The following GREB1L variants were observed in gnomAD, a reference collection of about 807,000 sequenced individuals.
The protein encoded by GREB1L is GREB1 like retinoic acid receptor coactivator.
Under a neutral mutation model 200.8 loss-of-function variants are expected in GREB1L, and 17 were observed. The observed-to-expected ratio is 0.08, with a 90% confidence interval of 0.06 to 0.13. The LOEUF (loss-of-function observed/expected upper bound fraction) is 0.13. Among genes scored for constraint, GREB1L ranks in the 10% least tolerant of loss-of-function variants. The pLI, the probability that GREB1L is intolerant of heterozygous loss-of-function variation, is 1.00. For synonymous variants in GREB1L, 789 were observed against 893.0 expected, an observed-to-expected ratio of 0.88 and a Z score of 2.08; for missense variants, 1,657 against 2,367.7, an observed-to-expected ratio of 0.70 and a Z score of 6.23.
intron 2 of GREB1L, chr18:21,380,392 T>A (rs541249258): frequency 6.6e-6 from 1 of 152,278 alleles, no homozygotes; most frequent in South Asian, 2.1e-4. Flanking sequence ...AGGGTTCTTC[T>A]CAACCAGTCC....
intron 17 of GREB1L, among the ~76,000 whole-genome samples, chr18:21,479,506 C>G (rs1289599957): frequency 6.6e-6 from 1 of 151,816 alleles, no homozygotes; most frequent in Non-Finnish European, 1.5e-5. Flanking sequence ...TGGTGAAACC[C>G]CATCTCTACA....
intron 17 of GREB1L, among the ~76,000 whole-genome samples, chr18:21,481,204 C>T (rs1363214073): frequency 6.6e-6 from 1 of 151,740 alleles, no homozygotes; most frequent in East Asian, 1.9e-4. Flanking sequence ...CAGGGGATGG[C>T]CCTGGAAAGA....
chr18:21,515,423 C>G lies in GREB1L; in HGVS notation c.4908C>G (p.Pro1636=), dbSNP rs1568078073. The part of the protein sequence containing the change: ...IHSVQEPSSQ[P]MEVGVSSKNV... ...TATAAACTATATTTCATAGCCAGCC[C>G]ATGGAAGTAGGAGTTTCCAGTAAGA... Residue 1636 remains proline (P), a synonymous_variant, in exon 29 of 33, where the codon CCC becomes CCG. Coordinates refer to ENST00000424526, the MANE Select transcript of GREB1L (RefSeq NM_001142966.3). 6.5e-7 allele frequency: 1 copy of G among 1,546,486 alleles called. No individual in the cohort carries two copies. Among genetic ancestry groups the G allele is most frequent in the African/African-American group, 1.4e-5 (1 of 73,076 alleles).
At chr18:21,433,888 G>C (rs996490388) in intron 7 of GREB1L, among the ~76,000 whole-genome samples, 1 of 152,088 alleles carries the variant, frequency 6.6e-6, no homozygotes, top group Non-Finnish European at 1.5e-5. Context: ...GGGATTTGGG[G>C]TCTCTACTCA....
At chr18:21,439,704 G>C (rs145100802) in intron 8 of GREB1L, 67 bp downstream of exon 8, 1 of 996,696 alleles carries the variant, frequency 1.0e-6, no homozygotes, top group African/African-American at 1.6e-5. Flanking sequence ...TCCAGATTTT[G>C]TAATGAATTA....
At chr18:21,268,500 C>G (rs1173635284) in intron 1 of GREB1L, among the ~76,000 whole-genome samples, 1 of 89,340 alleles carries the variant, frequency 1.1e-5, no homozygotes, top group Non-Finnish European at 2.3e-5. Flanking sequence ...TATATATATA[C>G]ATATATATAT....
chr18:21,405,526 C>T (rs1334237717), intron 7 of GREB1L, among the ~76,000 whole-genome samples: 6 of 152,094 alleles, frequency 3.9e-5, no homozygotes, highest in Admixed American at 2.6e-4. Context: ...CATGGCTGGG[C>T]GCAGTGGTTC....
At chr18:21,277,439 T>C (rs1445104374) in intron 1 of GREB1L, among the ~76,000 whole-genome samples, 1 of 152,236 alleles carries the variant, frequency 6.6e-6, no homozygotes, top group African/African-American at 2.4e-5. Flanking sequence ...TCTTTGTTGA[T>C]ACTGTTCTCT....
At chr18:21,337,000 A>G (rs149021405) in intron 1 of GREB1L, among the ~76,000 whole-genome samples, 11 of 152,324 alleles carry the variant, frequency 7.2e-5, no homozygotes, top group African/African-American at 2.4e-4. Context: ...CCATGAAATG[A>G]GGGTGTCAAG....
intron 25 of GREB1L, among the ~76,000 whole-genome samples, chr18:21,506,401 A>C (rs1377263420): frequency 1.3e-5 from 2 of 152,266 alleles, no homozygotes; most frequent in East Asian, 3.9e-4. Flanking sequence ...TCTCAAAAAA[A>C]AAAAAAGCAC....
Position 21,366,433 on chromosome 18 carries a change from A to C in GREB1L, c.-10+297A>C, listed in dbSNP as rs190003312. Among the ~76,000 whole-genome samples the C allele has an allele frequency of 1.8e-4, 27 of 152,296 alleles. No individual in the cohort carries two copies. The East Asian group carries it at 5.0e-3, about 28-fold the overall frequency. ...TTTGTTGATTATGATTTTATGCTTC[A>C]AATTGTCTAATAAATGAGACTTCTA... On this transcript the variant is annotated intron_variant, in intron 2 of 32. Transcript: ENST00000424526.
At chr18:21,272,790 A>T (rs1323211975) in intron 1 of GREB1L, among the ~76,000 whole-genome samples, 2 of 152,270 alleles carry the variant, frequency 1.3e-5, no homozygotes, top group Non-Finnish European at 2.9e-5. Flanking sequence ...AATGCCAAGA[A>T]GATAATAAAA....
At chr18:21,471,863 C>T (rs1021790424) in intron 15 of GREB1L, among the ~76,000 whole-genome samples, 9 of 152,078 alleles carry the variant, frequency 5.9e-5, no homozygotes, top group African/African-American at 2.2e-4. Flanking sequence ...TCAAGTGGTG[C>T]GCCTGTCTTA....
chr18:21,251,733 T>C (rs544618881), intron 1 of GREB1L, among the ~76,000 whole-genome samples: 36 of 152,104 alleles, frequency 2.4e-4, no homozygotes, highest in Non-Finnish European at 8.8e-5. Context: ...GATCACAAGG[T>C]CAGGAGTACA....
chr18:21,355,195 T>A (rs1238161546), intron 1 of GREB1L, among the ~76,000 whole-genome samples: 1 of 109,100 alleles, frequency 9.2e-6, no homozygotes, highest in African/African-American at 7.1e-5. Flanking sequence ...TTTGTTAAAT[T>A]TTTTTTTTTT....
At chr18:21,427,298 G>A (rs1353172993) in intron 7 of GREB1L, among the ~76,000 whole-genome samples, 1 of 151,772 alleles carries the variant, frequency 6.6e-6, no homozygotes, top group Non-Finnish European at 1.5e-5. Context: ...GAGCTCAGGA[G>A]TTCAAGAGCA....
intron 15 of GREB1L, among the ~76,000 whole-genome samples, chr18:21,457,497 C>T (rs2034822377): frequency 6.6e-6 from 1 of 152,040 alleles, no homozygotes; most frequent in Non-Finnish European, 1.5e-5. Flanking sequence ...ATAATCCTAC[C>T]ATTCAAGGGT....
chr18:21,384,323 A>T lies in GREB1L; in HGVS notation c.275A>T (p.Asp92Val). ...TVNEMEDDED[D>V]EEMSDSNSPP... Reference sequence around the variant, plus strand: ...AATGAAATGGAAGATGATGAAGACGATGAAGAAATGTCTGATTCAAACAGC... The same window carrying T: ...AATGAAATGGAAGATGATGAAGACGTTGAAGAAATGTCTGATTCAAACAGC... Residue 92 changes from aspartate (D) to valine (V), a missense_variant, in exon 4 of 33, where the codon GAT becomes GTT. By Grantham distance (152) the Asp-to-Val change is radical. Coordinates refer to ENST00000424526, the MANE Select transcript of GREB1L (RefSeq NM_001142966.3). 1 of 1,551,764 alleles carries T rather than the reference A, an allele frequency of 6.4e-7. No homozygotes were observed. The highest frequency in any genetic ancestry group is 1.7e-4 in the Middle Eastern group (1 of 5,994).
At chr18:21,427,451 G>A (rs1235035387) in intron 7 of GREB1L, among the ~76,000 whole-genome samples, 1 of 152,100 alleles carries the variant, frequency 6.6e-6, no homozygotes, top group Non-Finnish European at 1.5e-5. Flanking sequence ...GTTGTTGTGA[G>A]CTGTGATCAT....
Sources: allele counts gnomAD v4.1 joint callset (sites outside exome capture counted in the v4.1 genomes callset), GRCh38; gene constraint gnomAD v4.1.1; transcripts MANE v1.5; gene names NCBI Gene and HGNC (gene_info 2026-07-23, HGNC 2026-07-21).